ATP8A2: variants seen among roughly 807,000 people sequenced by gnomAD.
ATP8A2 encodes the protein phospholipid-transporting ATPase IB.
A neutral mutation model predicts 165.6 loss-of-function variants in ATP8A2; 100 were observed. The ratio of observed to expected loss-of-function variants is 0.60; its 90% CI spans 0.51 to 0.71. ATP8A2 has a LOEUF of 0.71. Ranked by LOEUF, ATP8A2 falls within the 30% of genes least tolerant of loss-of-function variation. The pLI, the probability that ATP8A2 is intolerant of heterozygous loss-of-function variation, is 0.00. For missense variants in ATP8A2, 1,227 were observed against 1,479.5 expected (o/e 0.83, Z 2.80); for synonymous variants, 543 against 548.8 (o/e 0.99, Z 0.15).
chr13:25,764,597 G>A (rs2044452666), intron 25 of ATP8A2, among the ~76,000 whole-genome samples: 1 of 152,202 alleles, frequency 6.6e-6, no homozygotes, highest in Non-Finnish European at 1.5e-5. Flanking sequence ...GCCCAGCCCA[G>A]GCTTTCTGAT....
chr13:25,489,003 T>C (rs1271074141), intron 2 of ATP8A2, among the ~76,000 whole-genome samples: 1 of 150,760 alleles, frequency 6.6e-6, no homozygotes, highest in Non-Finnish European at 1.5e-5. Flanking sequence ...CTTGATGGGG[T>C]GGGTATAGAT....
At chr13:25,593,719 G>A (rs535442000) in intron 24 of ATP8A2, among the ~76,000 whole-genome samples, 1 of 152,290 alleles carries the variant, frequency 6.6e-6, no homozygotes, top group African/African-American at 2.4e-5. Context: ...AAGTGAGAAA[G>A]GTTGTTACTG....
At chr13:25,642,864 C>A (rs1010489704) in intron 24 of ATP8A2, among the ~76,000 whole-genome samples, 1 of 152,116 alleles carries the variant, frequency 6.6e-6, no homozygotes, top group African/African-American at 2.4e-5. Flanking sequence ...ACATGCACAC[C>A]GTGGAATACT....
At chr13:25,842,137 A>G (rs955160136) in intron 30 of ATP8A2, among the ~76,000 whole-genome samples, 3 of 152,176 alleles carry the variant, frequency 2.0e-5, no homozygotes, top group African/African-American at 7.2e-5. Context: ...TTTCAAGTAA[A>G]CCATAGATAA....
At chr13:25,747,276 A>ACAGG in intron 25 of ATP8A2, among the ~76,000 whole-genome samples, 1 of 152,352 alleles carries the variant, frequency 6.6e-6, no homozygotes, top group East Asian at 1.9e-4. Flanking sequence ...GAGCAGGCAA[A>ACAGG]CAGGCCTCAT....
intron 24 of ATP8A2, among the ~76,000 whole-genome samples, chr13:25,631,444 A>G (rs1306011006): frequency 1.3e-5 from 2 of 152,056 alleles, no homozygotes; most frequent in Admixed American, 1.3e-4. Context: ...ACTTAGGTCT[A>G]CTCCAGGTAT....
chr13:25,402,330 G>A (rs1228032108), intron 1 of ATP8A2, among the ~76,000 whole-genome samples: 1 of 152,190 alleles, frequency 6.6e-6, no homozygotes, highest in Admixed American at 6.5e-5. Flanking sequence ...GCAAAACGGT[G>A]GGTCAAGGCG....
At chr13:25,903,305 C>G (rs1953822670) in intron 33 of ATP8A2, among the ~76,000 whole-genome samples, 1 of 152,096 alleles carries the variant, frequency 6.6e-6, no homozygotes, top group African/African-American at 2.4e-5. Flanking sequence ...TTGAATCTTT[C>G]CTTTCCTTCC....
At chr13:25,893,174 A>G (rs1265625068) in intron 33 of ATP8A2, among the ~76,000 whole-genome samples, 1 of 147,782 alleles carries the variant, frequency 6.8e-6, no homozygotes, top group South Asian at 2.3e-4. Flanking sequence ...AGCATTAGGT[A>G]TATCTCCTAA....
At chr13:25,848,960 G>A (rs1349718581) in intron 30 of ATP8A2, among the ~76,000 whole-genome samples, 3 of 152,048 alleles carry the variant, frequency 2.0e-5, no homozygotes, top group Non-Finnish European at 4.4e-5. Context: ...TAGTTGGGAT[G>A]GGGTGCGCTT....
intron 35 of ATP8A2, among the ~76,000 whole-genome samples, chr13:26,011,877 G>A (rs1434019313): frequency 2.6e-5 from 4 of 152,308 alleles, no homozygotes; most frequent in African/African-American, 9.6e-5. Flanking sequence ...CGAGGCTGCA[G>A]TGAGCTATGA....
intron 24 of ATP8A2, among the ~76,000 whole-genome samples, chr13:25,696,441 C>T (rs113617101): frequency 7.2e-5 from 11 of 152,208 alleles, no homozygotes; most frequent in African/African-American, 7.2e-5. Context: ...TTTTAATAGA[C>T]GGCTGTTTCA....
chr13:25,591,205 T>C, intron 24 of ATP8A2: 1 of 452,694 alleles, frequency 2.2e-6, no homozygotes, highest in Middle Eastern at 3.3e-4. Context: ...TTCAGTGGCA[T>C]TAAGTATATT....
intron 30 of ATP8A2, among the ~76,000 whole-genome samples, chr13:25,852,295 T>A (rs1952026742): frequency 6.6e-6 from 1 of 152,148 alleles, no homozygotes; most frequent in Non-Finnish European, 1.5e-5. Context: ...AAGCCAGAGA[T>A]GCTACCAAGC....
At chr13:25,921,372 A>T (rs201241376) in intron 33 of ATP8A2, among the ~76,000 whole-genome samples, 1 of 151,696 alleles carries the variant, frequency 6.6e-6, no homozygotes, top group Non-Finnish European at 1.5e-5. Context: ...AATCCCAGCA[A>T]TTTGGGAGGC....
At chr13:25,722,258 A>G (rs1331950907) in intron 25 of ATP8A2, among the ~76,000 whole-genome samples, 2 of 151,982 alleles carry the variant, frequency 1.3e-5, no homozygotes, top group Non-Finnish European at 2.9e-5. Flanking sequence ...CCTCAGTTCA[A>G]TTTCCCCTTC....
intron 26 of ATP8A2, among the ~76,000 whole-genome samples, 197 bp downstream of exon 26, chr13:25,769,426 T>G (rs768301906): frequency 6.6e-6 from 1 of 152,182 alleles, no homozygotes; most frequent in Non-Finnish European, 1.5e-5. Context: ...GTCCTGCTGA[T>G]TGGATTTCTC....
intron 24 of ATP8A2, among the ~76,000 whole-genome samples, chr13:25,632,524 G>A (rs1358259296): frequency 6.6e-6 from 1 of 152,200 alleles, no homozygotes; most frequent in Non-Finnish European, 1.5e-5. Flanking sequence ...CCAGGTAACA[G>A]GGATGAAGAG....
chr13:25,777,825 T>A (rs1314466161), intron 27 of ATP8A2, among the ~76,000 whole-genome samples: 1 of 152,232 alleles, frequency 6.6e-6, no homozygotes, highest in Non-Finnish European at 1.5e-5. Context: ...AAAAGTGGAT[T>A]TTTCTGTGTA....
Sources: gnomAD v4.1 joint callset for allele counts (sites outside exome capture counted in the v4.1 genomes callset) on GRCh38, gnomAD v4.1.1 for gene constraint, MANE v1.5 for transcripts, NCBI Gene and HGNC (gene_info 2026-07-23, HGNC 2026-07-21) for gene names.